Variants in KCNAB2 observed in about 807,000 individuals in gnomAD.
KCNAB2 encodes the protein voltage-gated potassium channel subunit beta-2.
Under a neutral mutation model 63.6 loss-of-function variants are expected in KCNAB2, and 29 were observed. The ratio of observed to expected loss-of-function variants is 0.46; its 90% CI spans 0.34 to 0.62. The LOEUF (loss-of-function observed/expected upper bound fraction) is 0.62. Among genes scored for constraint, KCNAB2 ranks in the 20% least tolerant of loss-of-function variants. KCNAB2 has a pLI of 0.01. For synonymous variants in KCNAB2, 222 were observed against 224.2 expected, an observed-to-expected ratio of 0.99 and a Z score of 0.09; for missense variants, 359 against 563.9, an observed-to-expected ratio of 0.64 and a Z score of 3.68.
chr1:6,079,677 A>T (rs566559530), intron 4 of KCNAB2, among the ~76,000 whole-genome samples: 7 of 152,326 alleles, frequency 4.6e-5, no homozygotes, highest in African/African-American at 1.7e-4. Context: ...AGTTAAATTC[A>T]TAAATACCAG....
At position 6,100,212 on chromosome 1, in the gene KCNAB2, C is replaced by A; in HGVS notation, c.*1638C>A. On this transcript the variant is annotated 3_prime_UTR_variant, in exon 16 of 16. Transcript: ENST00000378083. ...AGTCAGAAAGGCCAGCGGGGAGAGGCTGGGGCGAGGGGAGGAGGGGGATCA... is the reference window on the plus strand; with the variant it reads ...AGTCAGAAAGGCCAGCGGGGAGAGGATGGGGCGAGGGGAGGAGGGGGATCA... The A allele has an allele frequency of 1.0e-6, 1 of 957,062 alleles. No individual in the cohort carries two copies. Among genetic ancestry groups the A allele is most frequent in the Non-Finnish European group, 1.4e-6 (1 of 692,616 alleles). 59.3% of individuals were successfully genotyped at this position (957,062 alleles called of 1,614,324 possible). A position where few individuals can be genotyped will look rare whatever the true frequency, so the allele number is the denominator to read the frequency against.
At chr1:6,030,545 GTGTA>G (rs1243032281), upstream of KCNAB2, among the ~76,000 whole-genome samples, 4 of 151,822 alleles carry the variant, frequency 2.6e-5, no homozygotes, top group East Asian at 1.9e-4. Context: ...GTACATATGT[GTGTA>G]TGTGTGTATG....
intron 1 of KCNAB2, chr1:6,018,979 G>A (rs1658670031): frequency 6.6e-6 from 1 of 152,152 alleles, no homozygotes; most frequent in South Asian, 2.1e-4. Flanking sequence ...TTCTTCTTTT[G>A]GTTTTCTTTC....
intron 4 of KCNAB2, among the ~76,000 whole-genome samples, chr1:6,081,821 T>C (rs1043523746): frequency 1.3e-5 from 2 of 152,188 alleles, no homozygotes; most frequent in Non-Finnish European, 2.9e-5. Flanking sequence ...GAAGGCCCTA[T>C]TCCCAAATGA....
At position 6,051,715 on chromosome 1, in the gene KCNAB2, T is replaced by C; in HGVS notation, c.179T>C (p.Leu60Pro). ...ESFLRMHGLSLDGCTAQRTGM... is the reference protein window; with the variant it reads ...ESFLRMHGLSPDGCTAQRTGM... ...TTCCTCCGCATGCACGGCCTTTCCC[T>C]GGACGGCTGCACCGCCCAGCGCACA... is the stretch of plus-strand genomic sequence containing the variant. The change falls in exon 2 of 16, where the codon CTG becomes CCG. Residue 60 changes from leucine (L) to proline (P), a missense_variant. Transcript: ENST00000378083. The C allele has an allele frequency of 6.5e-7, 1 of 1,533,608 alleles. No homozygotes were observed. Among genetic ancestry groups the C allele is most frequent in the Non-Finnish European group, 8.7e-7 (1 of 1,146,620 alleles).
At chr1:6,089,392 G>T (rs1664986788) in intron 8 of KCNAB2, among the ~76,000 whole-genome samples, 1 of 152,248 alleles carries the variant, frequency 6.6e-6, no homozygotes, top group Non-Finnish European at 1.5e-5. Flanking sequence ...AGCGCACCCG[G>T]CGAGGGTGGC....
At chr1:5,998,949 C>A (rs1175759375) in intron 1 of KCNAB2, among the ~76,000 whole-genome samples, 1 of 152,228 alleles carries the variant, frequency 6.6e-6, no homozygotes, top group Non-Finnish European at 1.5e-5. Context: ...AGAGATTTGA[C>A]CGTGAAAGGA....
intron 15 of KCNAB2, 93 bp downstream of exon 15, chr1:6,097,450 T>C: frequency 6.5e-7 from 1 of 1,541,890 alleles, no homozygotes; most frequent in Non-Finnish European, 8.7e-7. Context: ...TGCCAGGCTC[T>C]GTTCTAGGCA....
chr1:6,092,226 T>C (rs1024787838), intron 10 of KCNAB2, among the ~76,000 whole-genome samples: 4 of 152,240 alleles, frequency 2.6e-5, no homozygotes, highest in African/African-American at 9.6e-5. Flanking sequence ...GCCACTGATA[T>C]CACACTTGGG....
In KCNAB2 at chr1:6,073,865, C is replaced by T. The variant is rs1325551139; in HGVS notation, c.300+95C>T. The T allele has an allele frequency of 1.1e-5, 14 of 1,272,224 alleles. No individual in the cohort carries two copies. The highest frequency in any genetic ancestry group is 2.3e-5 in the East Asian group (1 of 42,602). The allele number at this position is 1,272,224 out of a possible 1,614,324, so 78.8% of individuals were successfully genotyped here. A position where few individuals can be genotyped will look rare whatever the true frequency, so the allele number is the denominator to read the frequency against. On this transcript the variant is annotated intron_variant, in intron 4 of 15. Transcript: ENST00000378083. The surrounding 1 kb of genome is among the most constrained non-coding windows in gnomAD (Gnocchi z 5.7). ...GCGTGGACCAGTGAGCACGTGCTCC[C>T]GGGAGCCAGCGCAGCAGCCTCCCTC...
rs147829218 is a variant in KCNAB2 at position 6,046,237 on chromosome 1, C to T, written c.-27+54C>T. 159 of 972,626 alleles carry T rather than the reference C, an allele frequency of 1.6e-4. No homozygotes were observed. The African/African-American group carries it at 2.6e-3, about 16-fold the overall frequency. The allele number at this position is 972,626 out of a possible 1,614,324, so 60.2% of individuals were successfully genotyped here. A position where few individuals can be genotyped will look rare whatever the true frequency, so the allele number is the denominator to read the frequency against. ...CTAGTGGAGATGCCGCTTGGGGGCA[C>T]GCATCCGCGGGAATGAAAAATAACA... On this transcript the variant is annotated intron_variant, in intron 1 of 15. Transcript: ENST00000378083.
chr1:6,038,766 G>C (rs547884635), intron 1 of KCNAB2, among the ~76,000 whole-genome samples: 2 of 152,202 alleles, frequency 1.3e-5, no homozygotes, highest in Non-Finnish European at 2.9e-5. Context: ...TCCTGGTGAC[G>C]GGAGGTCACT....
At chr1:6,041,462 G>T, upstream of KCNAB2, 2 of 266,614 alleles carry the variant, frequency 7.5e-6, no homozygotes, top group Admixed American at 5.0e-5. Flanking sequence ...TGCACGTCTG[G>T]GTTGGAGGGT....
In KCNAB2 at chr1:6,099,781, C is replaced by G. The variant is rs1011939554; in HGVS notation, c.*1207C>G. On this transcript the variant is annotated 3_prime_UTR_variant, in exon 16 of 16. Transcript: ENST00000378083. ...CCTCTCCCTGGAAAGACGGGCAGGG[C>G]TGGTTAGCCCCTCCCACTGCCTGAC... 1 of 1,481,976 alleles carries G rather than the reference C, an allele frequency of 6.7e-7. No individual in the cohort carries two copies. Among genetic ancestry groups the G allele is most frequent in the African/African-American group, 1.4e-5 (1 of 71,106 alleles). 91.8% of individuals were successfully genotyped at this position (1,481,976 alleles called of 1,614,324 possible). A position where few individuals can be genotyped will look rare whatever the true frequency, so the allele number is the denominator to read the frequency against.
intron 9 of KCNAB2, 34 bp downstream of exon 9, chr1:6,090,509 C>G (rs1292876722): frequency 6.4e-7 from 1 of 1,555,988 alleles, no homozygotes; most frequent in Non-Finnish European, 8.8e-7. Flanking sequence ...CCGGTTAGGC[C>G]TGGGCGGGGT....
intron 1 of KCNAB2, among the ~76,000 whole-genome samples, chr1:6,015,493 A>G (rs1182128694): frequency 6.6e-6 from 1 of 152,190 alleles, no homozygotes; most frequent in Non-Finnish European, 1.5e-5. Flanking sequence ...CGTAATCGAG[A>G]TGGACTGGCC....
intron 1 of KCNAB2, among the ~76,000 whole-genome samples, chr1:6,010,479 C>A (rs934798108): frequency 2.0e-5 from 3 of 152,224 alleles, no homozygotes; most frequent in African/African-American, 7.2e-5. Context: ...ATATTAACTT[C>A]AAGGCCTGTC....
intron 1 of KCNAB2, among the ~76,000 whole-genome samples, chr1:6,021,303 C>T (rs1658803801): frequency 6.6e-6 from 1 of 152,208 alleles, no homozygotes; most frequent in Non-Finnish European, 1.5e-5. Flanking sequence ...CACCATGTGC[C>T]ATGTTTATTG....
In KCNAB2 at chr1:5,994,748, C is replaced by T. The variant is rs1000396800; in HGVS notation, c.-53+1960C>T. On this transcript the variant is annotated intron_variant, in intron 1 of 16. Coordinates refer to the KCNAB2 transcript ENST00000341524. The surrounding 1 kb of genome is among the most constrained non-coding windows in gnomAD (Gnocchi z 5.4). Reference sequence around the variant, plus strand: ...CCGGGAGGTGGGACGTGGGCCATGGCGCTAGAGAGCTGGAAAGGCCGAGGG... The same window carrying T: ...CCGGGAGGTGGGACGTGGGCCATGGTGCTAGAGAGCTGGAAAGGCCGAGGG... Among the ~76,000 whole-genome samples the T allele has an allele frequency of 2.0e-5, 3 of 152,166 alleles. No individual in the cohort carries two copies. Among genetic ancestry groups the T allele is most frequent in the Non-Finnish European group, 4.4e-5 (3 of 68,034 alleles).
Sources: gnomAD v4.1 joint callset for allele counts (sites outside exome capture counted in the v4.1 genomes callset) on GRCh38, gnomAD v4.1.1 for gene constraint, Gnocchi (gnomAD v3.1) non-coding constraint, MANE v1.5 for transcripts, NCBI Gene and HGNC (gene_info 2026-07-23, HGNC 2026-07-21) for gene names.